Variants in CDH12 observed in about 807,000 individuals in gnomAD.
CDH12 encodes the protein cadherin 12, also known as cadherin-12.
CDH12 carries 41 observed loss-of-function variants against 74.1 expected under a neutral mutation model. The observed-to-expected ratio is 0.55, with a 90% CI of 0.43 to 0.72. CDH12 has a LOEUF of 0.72. Among genes scored for constraint, CDH12 ranks in the 30% least tolerant of loss-of-function variants. CDH12 has a pLI of 0.00. For synonymous variants in CDH12, 399 were observed against 355.0 expected (o/e 1.12, Z -1.39); for missense variants, 945 against 977.2 (o/e 0.97, Z 0.44).
chr5:22,580,369 C>A, intron 1 of CDH12: 1 of 470,864 alleles, frequency 2.1e-6, no homozygotes. Flanking sequence ...AAAATGCACA[C>A]CAAGTGCACG....
At chr5:22,663,942 C>G (rs1188933785) in intron 1 of CDH12, among the ~76,000 whole-genome samples, 4 of 151,610 alleles carry the variant, frequency 2.6e-5, no homozygotes, top group African/African-American at 9.7e-5. Context: ...GCTTTATGAA[C>G]TTGTATAAGT....
intron 1 of CDH12, among the ~76,000 whole-genome samples, chr5:22,812,680 T>A (rs1170367250): frequency 6.6e-6 from 1 of 151,920 alleles, no homozygotes; most frequent in African/African-American, 2.4e-5. Context: ...GAACTGGAGG[T>A]CTCAAGTAAG....
chr5:22,202,665 G>A (rs1388086937), intron 4 of CDH12, among the ~76,000 whole-genome samples: 14 of 152,166 alleles, frequency 9.2e-5, no homozygotes, highest in Non-Finnish European at 1.8e-4. Context: ...GTCCACGTCA[G>A]TACTAGCAGA....
At chr5:22,737,493 G>A (rs1484144349) in intron 1 of CDH12, among the ~76,000 whole-genome samples, 1 of 151,724 alleles carries the variant, frequency 6.6e-6, no homozygotes, top group Non-Finnish European at 1.5e-5. Flanking sequence ...AAACGAGCAC[G>A]TATTTGCGTA....
At chr5:22,787,285 C>T (rs1747686384) in intron 1 of CDH12, among the ~76,000 whole-genome samples, 1 of 152,078 alleles carries the variant, frequency 6.6e-6, no homozygotes, top group African/African-American at 2.4e-5. Flanking sequence ...AATTAATTCC[C>T]TTTTAATTAA....
intron 4 of CDH12, among the ~76,000 whole-genome samples, chr5:22,187,309 G>A (rs1750013939): frequency 6.6e-6 from 1 of 152,146 alleles, no homozygotes; most frequent in Admixed American, 6.5e-5. Context: ...AAATGAAAAT[G>A]TCCCAATTAT....
intron 4 of CDH12, among the ~76,000 whole-genome samples, chr5:22,195,086 G>C (rs1750545359): frequency 6.6e-6 from 1 of 152,190 alleles, no homozygotes; most frequent in African/African-American, 2.4e-5. Flanking sequence ...ATAGGTTCTT[G>C]ATAAAAGTTA....
At chr5:22,579,232 A>ACTTC (rs1270194029) in intron 1 of CDH12, among the ~76,000 whole-genome samples, 1 of 152,164 alleles carries the variant, frequency 6.6e-6, no homozygotes, top group Non-Finnish European at 1.5e-5. Flanking sequence ...TACTGTGACT[A>ACTTC]CTTCCCTAGG....
chr5:22,229,942 A>G (rs1752327801), intron 3 of CDH12, among the ~76,000 whole-genome samples: 1 of 152,012 alleles, frequency 6.6e-6, no homozygotes, highest in South Asian at 2.1e-4. Context: ...TTATCTTTCC[A>G]GGTGACACTG....
At chr5:21,795,980 T>C (rs1746757806) in intron 10 of CDH12, among the ~76,000 whole-genome samples, 1 of 152,052 alleles carries the variant, frequency 6.6e-6, no homozygotes, top group East Asian at 1.9e-4. Flanking sequence ...GAAACAGGCA[T>C]TTTTATTTTA....
In CDH12 at chr5:22,541,510, T is replaced by C. The variant is rs140935279; in HGVS notation, c.-522-36146A>G. Among the ~76,000 whole-genome samples, 1,175 of 152,288 alleles carry C rather than the reference T, an allele frequency of 7.7e-3. 20 individuals are homozygous for C. The highest frequency in any genetic ancestry group is 0.027 in the African/African-American group (1,112 of 41,554). ...GTCCCACAATTGGTACACACTCACTTAGGGACAAAACCTGATCATTTGTAA... is the reference window on the plus strand; with the variant it reads ...GTCCCACAATTGGTACACACTCACTCAGGGACAAAACCTGATCATTTGTAA... On this transcript the variant is annotated intron_variant, in intron 1 of 14. Transcript: ENST00000382254.
chr5:21,827,084 C>T (rs973201826), intron 8 of CDH12, among the ~76,000 whole-genome samples: 2 of 152,016 alleles, frequency 1.3e-5, no homozygotes, highest in Non-Finnish European at 2.9e-5. Flanking sequence ...TATCAGTCTA[C>T]AAATGAGCAA....
At chr5:22,308,580 C>A (rs1285129085) in intron 3 of CDH12, among the ~76,000 whole-genome samples, 6 of 152,002 alleles carry the variant, frequency 3.9e-5, no homozygotes, top group Non-Finnish European at 7.4e-5. Context: ...ACACTAAAAA[C>A]CATTTAATTG....
At chr5:22,204,171 T>TTG (rs1554020486) in intron 4 of CDH12, among the ~76,000 whole-genome samples, 3 of 148,360 alleles carry the variant, frequency 2.0e-5, no homozygotes, top group Admixed American at 2.0e-4. Context: ...TGTTTTTTTT[T>TTG]TTTTGTTTTT....
At chr5:22,376,578 C>A (rs148035595) in intron 3 of CDH12, among the ~76,000 whole-genome samples, 1,970 of 152,020 alleles carry the variant, frequency 0.013, 42 homozygotes, top group African/African-American at 0.045. Flanking sequence ...GTCATCCAGG[C>A]TGGAGTGCAG....
chr5:22,152,312 C>G (rs746042784), intron 4 of CDH12: 5 of 152,038 alleles, frequency 3.3e-5, no homozygotes, highest in Admixed American at 6.6e-5. Flanking sequence ...TTGTGGCAGA[C>G]AATATGCTGA....
At position 22,533,873 on chromosome 5, in the gene CDH12, C is replaced by G. The variant is rs964919736; in HGVS notation, c.-522-28509G>C. ...CATATATGTATATTTCAAAAATATA[C>G]ACAGACATAATATTTACATTTCTCA... On this transcript the variant is annotated intron_variant, in intron 1 of 14. Coordinates refer to ENST00000382254, the MANE Select transcript of CDH12 (RefSeq NM_004061.5). Among the ~76,000 whole-genome samples, 21 of 152,110 alleles carry G rather than the reference C, an allele frequency of 1.4e-4. 1 individual carries two copies. The highest frequency in any genetic ancestry group is 1.3e-3 in the Admixed American group (20 of 15,272).
intron 6 of CDH12, among the ~76,000 whole-genome samples, chr5:21,945,186 A>G (rs1045094427): frequency 6.6e-6 from 1 of 152,112 alleles, no homozygotes; most frequent in Admixed American, 6.6e-5. Flanking sequence ...GCACTGTGGG[A>G]GGCCAAGATG....
chr5:22,532,445 T>A (rs1347437711), intron 1 of CDH12, among the ~76,000 whole-genome samples: 1 of 143,974 alleles, frequency 6.9e-6, no homozygotes, highest in Non-Finnish European at 1.5e-5. Context: ...TCGGCAATAT[T>A]TGAAAAATCT....
Sources: allele counts gnomAD v4.1 joint callset (sites outside exome capture counted in the v4.1 genomes callset), GRCh38; gene constraint gnomAD v4.1.1; transcripts MANE v1.5; gene names NCBI Gene and HGNC (gene_info 2026-07-23, HGNC 2026-07-21).